The following HROB variants were observed in gnomAD, a reference collection of about 807,000 sequenced individuals.
HROB encodes homologous recombination factor with OB-fold, also known as homologous recombination OB-fold protein.
Under a neutral mutation model 61.0 loss-of-function variants are expected in HROB, and 44 were observed. The observed-to-expected ratio is 0.72, with a 90% confidence interval of 0.57 to 0.93. HROB has a LOEUF of 0.93. HROB is among the 40% of genes least tolerant of loss of function. HROB has a pLI of 0.00. For synonymous variants in HROB, 301 were observed against 310.4 expected, an observed-to-expected ratio of 0.97 and a Z score of 0.32; for missense variants, 716 against 796.2, an observed-to-expected ratio of 0.90 and a Z score of 1.21.
chr17:44,143,521 G>A (rs1369061677), intron 1 of HROB, among the ~76,000 whole-genome samples: 1 of 152,008 alleles, frequency 6.6e-6, no homozygotes, highest in East Asian at 1.9e-4. Context: ...GGCTTGGCCT[G>A]TAATCCCAGC....
intron 3 of HROB, among the ~76,000 whole-genome samples, chr17:44,150,254 T>G (rs2053757089): frequency 6.6e-6 from 1 of 152,194 alleles, no homozygotes; most frequent in Admixed American, 6.6e-5. Flanking sequence ...TACTTGCTCT[T>G]CCCTAGCATG....
At position 44,145,254 on chromosome 17, in the gene HROB, G is replaced by C. The variant is rs199580277; in HGVS notation, c.54+1G>C. On this transcript the variant is annotated splice_donor_variant, in intron 2 of 9. Coordinates refer to ENST00000585683, the MANE Select transcript of HROB (RefSeq NM_001171251.3). LOFTEE classifies it high-confidence loss of function. ...TGTGGAAGAGGAGTTTGAAGATGAG[G>C]TAGGGAAGTGTTGATGATCAGAGGT... 15 of 1,613,792 alleles carry C rather than the reference G, an allele frequency of 9.3e-6. No individual in the cohort carries two copies. Among genetic ancestry groups the C allele is most frequent in the Non-Finnish European group, 1.3e-5 (15 of 1,179,730 alleles).
Position 44,148,796 on chromosome 17 carries a change from C to G in HROB, c.993C>G (p.Ser331Arg). 6.2e-7 allele frequency: 1 copy of G among 1,614,218 alleles called. No homozygotes were observed. The highest frequency in any genetic ancestry group is 8.5e-7 in the Non-Finnish European group (1 of 1,180,038). Residue 331 changes from serine to arginine, a missense_variant, in exon 3 of 10, where the codon AGC (serine) becomes AGG (arginine). By Grantham distance (110) the Ser-to-Arg change is moderately radical. Coordinates refer to ENST00000585683, the MANE Select transcript of HROB (RefSeq NM_001171251.3). The part of the protein sequence containing the change: ...NSSCSTPSRT[S>R]SGLFPRIPLQ... Reference sequence around the variant, plus strand: ...GCTGTTCTACTCCCTCAAGGACTAGCTCTGGATTATTTCCTCGGATACCCT... The same window carrying G: ...GCTGTTCTACTCCCTCAAGGACTAGGTCTGGATTATTTCCTCGGATACCCT...
At chr17:44,151,179 G>A in intron 4 of HROB, 135 bp downstream of exon 4, 2 of 944,010 alleles carry the variant, frequency 2.1e-6, no homozygotes, top group Non-Finnish European at 3.2e-6. Context: ...AGGCATTTGA[G>A]GCAGGTAGTT....
At chr17:44,154,439 C>A in intron 5 of HROB, 117 bp from the exon 6 acceptor site, 3 of 887,876 alleles carry the variant, frequency 3.4e-6, no homozygotes, top group Non-Finnish European at 5.5e-6. Flanking sequence ...CAAAGAAGAT[C>A]ATCACTATAA....
rs370400862 is a variant in HROB, at chr17:44,154,817, T to A, written c.1559-36T>A. 1.9e-6 allele frequency: 3 copies of A among 1,612,172 alleles called. No homozygotes were observed. In the African/African-American group the frequency reaches 4.0e-5, roughly 22 times the overall value. ...CCCATACCAGTCGCTGTGCTGCCCT[T>A]GACCCCGAGACTGATGGGCCATGTG... On this transcript the variant is annotated intron_variant, in intron 6 of 9. Coordinates refer to ENST00000585683, the MANE Select transcript of HROB (RefSeq NM_001171251.3).
At chr17:44,154,329 C>G (rs1235574668) in intron 5 of HROB, 2 of 492,830 alleles carry the variant, frequency 4.1e-6, no homozygotes, top group South Asian at 5.1e-5. Context: ...AGCGAAACTC[C>G]CTCTCAAAAA....
chr17:44,154,772 A>G, intron 6 of HROB, 81 bp from the exon 7 acceptor site: 2 of 1,590,624 alleles, frequency 1.3e-6, no homozygotes, highest in Admixed American at 3.4e-5. Flanking sequence ...GGCAGTGAGC[A>G]GCCCACTTCC....
Position 44,148,498 on chromosome 17 carries a change from C to T in HROB, c.695C>T (p.Pro232Leu). 4 of 1,614,146 alleles carry T rather than the reference C, an allele frequency of 2.5e-6. No homozygotes were observed. Among genetic ancestry groups the T allele is most frequent in the Non-Finnish European group, 3.4e-6 (4 of 1,180,026 alleles). Residue 232 changes from proline to leucine, a missense_variant, in exon 3 of 10, where the codon CCT (proline) becomes CTT (leucine). By Grantham distance (98) the Pro-to-Leu change is moderately conservative. Coordinates refer to ENST00000585683, the MANE Select transcript of HROB (RefSeq NM_001171251.3). ...IMSAQDESLD[P>L]VIQCRTPRPP... ...TCCGCCCAGGATGAGTCTCTAGATCCTGTCATCCAATGTAGGACTCCACGA... is the reference window on the plus strand; with the variant it reads ...TCCGCCCAGGATGAGTCTCTAGATCTTGTCATCCAATGTAGGACTCCACGA...
intron 9 of HROB, among the ~76,000 whole-genome samples, chr17:44,159,881 A>G (rs1337218937): frequency 6.6e-6 from 1 of 152,258 alleles, no homozygotes; most frequent in East Asian, 1.9e-4. Context: ...CCACTGAAGC[A>G]CAGCATCACA....
At chr17:44,147,441 T>C (rs1473371144) in intron 2 of HROB, among the ~76,000 whole-genome samples, 1 of 147,008 alleles carries the variant, frequency 6.8e-6, no homozygotes, top group African/African-American at 2.5e-5. Context: ...TCTTTCTTTT[T>C]TTTTTTTTTT....
At chr17:44,160,143 C>T (rs1029141879) in intron 9 of HROB, among the ~76,000 whole-genome samples, 1 of 152,234 alleles carries the variant, frequency 6.6e-6, no homozygotes, top group African/African-American at 2.4e-5. Context: ...CAGGGCGTGA[C>T]AGAGGACTTT....
intron 9 of HROB, among the ~76,000 whole-genome samples, chr17:44,160,929 A>G (rs775800456): frequency 3.3e-5 from 5 of 152,214 alleles, no homozygotes; most frequent in Non-Finnish European, 5.9e-5. Context: ...TGGGCCGGGC[A>G]TGGTGGCTCA....
Position 44,145,011 on chromosome 17 carries a change from C to T in HROB, c.4-192C>T, listed in dbSNP as rs143848108. ...GATTACAGGCATGAGTCACCACGCC[C>T]GGCCCTAGATTGTTTAAGTCTTTAA... On this transcript the variant is annotated intron_variant, in intron 1 of 9. Transcript: ENST00000585683. Among the ~76,000 whole-genome samples, 757 of 152,236 alleles carry T rather than the reference C, an allele frequency of 5.0e-3. 11 individuals are homozygous for T. The highest frequency in any genetic ancestry group is 0.017 in the African/African-American group (707 of 41,538).
intron 4 of HROB, among the ~76,000 whole-genome samples, 165 bp from the exon 5 acceptor site, chr17:44,152,472 T>C (rs2053843819): frequency 6.6e-6 from 1 of 152,144 alleles, no homozygotes; most frequent in African/African-American, 2.4e-5. Flanking sequence ...CACATACCAT[T>C]TTCTGGCCTT....
chr17:44,154,502 G>A (rs1344002027), intron 5 of HROB, 54 bp from the exon 6 acceptor site: 2 of 1,575,252 alleles, frequency 1.3e-6, no homozygotes, highest in Non-Finnish European at 1.7e-6. Flanking sequence ...TGGAGACCTG[G>A]GAAGTCACAA....
Position 44,148,242 on chromosome 17 carries a change from G to A in HROB, c.439G>A (p.Val147Ile). The change falls in exon 3 of 10, where the codon GTT (valine) becomes ATT (isoleucine). Residue 147 changes from valine (V) to isoleucine (I), a missense_variant. Val to Ile is a conservative substitution (Grantham distance 29). Coordinates refer to ENST00000585683, the MANE Select transcript of HROB (RefSeq NM_001171251.3). The stretch of plus-strand genomic sequence containing the variant: ...CACCTTTGAGAGCCAACAGCAGCAA[G>A]TTGGTGGCTTTGAGGGGCCTGAACA... ...LLTFESQQQQVGGFEGPEQDE... is the reference protein window; with the variant it reads ...LLTFESQQQQIGGFEGPEQDE... 1.2e-6 allele frequency: 2 copies of A among 1,614,222 alleles called. No individual in the cohort carries two copies. Among genetic ancestry groups the A allele is most frequent in the South Asian group, 1.1e-5 (1 of 91,086 alleles).
At position 44,148,179 on chromosome 17, in the gene HROB, A is replaced by C. The variant is rs227584; in HGVS notation, c.376A>C (p.Thr126Pro). ...GACAGTGACAGAAGTGCTCAGAGAG[A>C]CAGCAAGACCTCAGTCCTCAGCCTT... ...RVTVTEVLRE[T>P]ARPQSSALHP... is the part of the protein sequence containing the mutation. The change falls in exon 3 of 10, where the codon ACA becomes CCA. Residue 126 changes from threonine (T) to proline (P), a missense_variant. Transcript: ENST00000585683. The C allele has an allele frequency of 0.35, 561,585 of 1,613,906 alleles. 112,733 individuals are homozygous for C. The highest frequency in any genetic ancestry group is 0.82 in the African/African-American group (61,526 of 74,958).
At chr17:44,151,782 C>T (rs553924878) in intron 4 of HROB, among the ~76,000 whole-genome samples, 4 of 152,198 alleles carry the variant, frequency 2.6e-5, no homozygotes, top group Non-Finnish European at 4.4e-5. Context: ...TGCTTCAATG[C>T]AGTTAAAGTC....
Sources: allele counts gnomAD v4.1 joint callset (sites outside exome capture counted in the v4.1 genomes callset), GRCh38; gene constraint gnomAD v4.1.1; transcripts MANE v1.5; gene names NCBI Gene and HGNC (gene_info 2026-07-23, HGNC 2026-07-21).